Variants in SYNPR observed in about 807,000 individuals in gnomAD.
SYNPR encodes synaptoporin.
SYNPR carries 23 observed loss-of-function variants against 32.9 expected under a neutral mutation model. That is an observed-to-expected ratio of 0.70 (90% CI 0.50 to 0.99). The LOEUF (loss-of-function observed/expected upper bound fraction) is 0.99. Ranked by LOEUF, SYNPR falls within the 50% of genes least tolerant of loss-of-function variation. SYNPR has a pLI of 0.00. For missense variants in SYNPR, 318 were observed against 349.3 expected (o/e 0.91, Z 0.71); for synonymous variants, 146 against 135.9 (o/e 1.07, Z -0.52).
intron 2 of SYNPR, among the ~76,000 whole-genome samples, chr3:63,450,168 G>C (rs1700351733): frequency 6.6e-6 from 1 of 152,100 alleles, no homozygotes; most frequent in Non-Finnish European, 1.5e-5. Flanking sequence ...TACATTCTTA[G>C]AGTCTCCCCA....
chr3:63,401,863 C>A (rs1375038919), intron 2 of SYNPR, among the ~76,000 whole-genome samples: 2 of 152,110 alleles, frequency 1.3e-5, no homozygotes, highest in Non-Finnish European at 2.9e-5. Flanking sequence ...GCAGGATGAA[C>A]CCAATTTGTC....
intron 1 of SYNPR, among the ~76,000 whole-genome samples, chr3:63,247,039 C>G (rs948463839): frequency 6.6e-6 from 1 of 151,850 alleles, no homozygotes; most frequent in African/African-American, 2.4e-5. Flanking sequence ...AGCAAAACTA[C>G]ACATCCTGCA....
At chr3:63,432,227 T>C (rs1033416887) in intron 2 of SYNPR, among the ~76,000 whole-genome samples, 6 of 152,158 alleles carry the variant, frequency 3.9e-5, no homozygotes, top group African/African-American at 1.4e-4. Context: ...CCTGTCTCAA[T>C]TCCCCACTCT....
At chr3:63,225,493 G>C (rs1475306994), upstream of SYNPR, among the ~76,000 whole-genome samples, 1 of 152,122 alleles carries the variant, frequency 6.6e-6, no homozygotes, top group Non-Finnish European at 1.5e-5. Flanking sequence ...AAGTCCCTCA[G>C]AAGAAGGCCC....
chr3:63,378,548 T>G (rs2087922369), intron 2 of SYNPR, among the ~76,000 whole-genome samples: 1 of 152,084 alleles, frequency 6.6e-6, no homozygotes, highest in Admixed American at 6.6e-5. Flanking sequence ...TTGATAACTA[T>G]GAGTATGTAA....
At chr3:63,521,253 A>G (rs1298184422) in intron 3 of SYNPR, among the ~76,000 whole-genome samples, 1 of 152,172 alleles carries the variant, frequency 6.6e-6, no homozygotes. Context: ...CTTTTTACCT[A>G]TAAAGCTGGA....
intron 2 of SYNPR, among the ~76,000 whole-genome samples, chr3:63,382,988 G>A (rs1345513688): frequency 1.3e-5 from 2 of 152,154 alleles, no homozygotes; most frequent in African/African-American, 4.8e-5. Context: ...TAGAACTAGA[G>A]ACTTGATTTA....
Position 63,609,131 on chromosome 3 carries a change from A to C in SYNPR, c.415A>C (p.Ile139Leu), listed in dbSNP as rs1174926445. ...ENNRGPLIDF[I>L]VTVVFSFLWL... The stretch of plus-strand genomic sequence containing the variant: ...TTCTGATTTGTTTCTGTAGGACTTC[A>C]TTGTCACTGTAGTCTTTTCGTTCTT... Residue 139 changes from isoleucine to leucine, a missense_variant, in exon 5 of 6, where the codon ATT becomes CTT. Coordinates refer to ENST00000478300, the MANE Select transcript of SYNPR (RefSeq NM_001130003.2). The C allele has an allele frequency of 6.2e-7, 1 of 1,604,642 alleles. No individual in the cohort carries two copies. Among genetic ancestry groups the C allele is most frequent in the Non-Finnish European group, 8.5e-7 (1 of 1,175,792 alleles).
intron 2 of SYNPR, among the ~76,000 whole-genome samples, chr3:63,328,322 AG>A (rs1174726839): frequency 1.3e-5 from 2 of 152,170 alleles, no homozygotes; most frequent in Non-Finnish European, 2.9e-5. Flanking sequence ...TCTTGTATTC[AG>A]GCTGCACATT....
At chr3:63,254,395 C>G (rs748949908) in intron 2 of SYNPR, among the ~76,000 whole-genome samples, 1 of 151,986 alleles carries the variant, frequency 6.6e-6, no homozygotes, top group African/African-American at 2.4e-5. Flanking sequence ...TCTACTAGTA[C>G]GTCGTGAGAT....
At chr3:63,469,689 CT>C (rs914181201) in intron 2 of SYNPR, among the ~76,000 whole-genome samples, 1 of 152,062 alleles carries the variant, frequency 6.6e-6, no homozygotes, top group Non-Finnish European at 1.5e-5. Context: ...GGAAGTTGCC[CT>C]TTTTAATCAA....
At chr3:63,333,570 C>T (rs1186929841) in intron 2 of SYNPR, among the ~76,000 whole-genome samples, 2 of 152,140 alleles carry the variant, frequency 1.3e-5, no homozygotes, top group Non-Finnish European at 2.9e-5. Context: ...GCACACACCA[C>T]CACGCTCAGC....
intron 4 of SYNPR, among the ~76,000 whole-genome samples, chr3:63,596,894 T>C (rs1367558892): frequency 6.6e-6 from 1 of 151,300 alleles, no homozygotes; most frequent in East Asian, 1.9e-4. Context: ...ACTAGTAACA[T>C]GTGGTTATTG....
chr3:63,556,473 T>C (rs755536990), intron 3 of SYNPR, 70 bp from the exon 4 acceptor site: 1 of 1,403,492 alleles, frequency 7.1e-7, no homozygotes, highest in African/African-American at 1.4e-5. Flanking sequence ...CTTTAGAAGA[T>C]GTAGACACAA....
chr3:63,387,178 A>G (rs2088057239), intron 2 of SYNPR, among the ~76,000 whole-genome samples: 1 of 152,248 alleles, frequency 6.6e-6, no homozygotes, highest in Admixed American at 6.5e-5. Context: ...AGAGTTTTCT[A>G]TAATTTAGTT....
In SYNPR at chr3:63,278,546, A is replaced by G; in HGVS notation, c.13A>G (p.Ser5Gly). 1 of 1,550,848 alleles carries G rather than the reference A, an allele frequency of 6.4e-7. No homozygotes were observed. The highest frequency in any genetic ancestry group is 8.7e-7 in the Non-Finnish European group (1 of 1,146,422). MDPVSQLASAGTFRV... is the reference protein window; with the variant it reads MDPVGQLASAGTFRV... The stretch of plus-strand genomic sequence containing the variant: ...GCGAGGGCGAGCTATGGACCCTGTG[A>G]GTCAGGTGAGACAGAACTGGGCAGG... The change falls in exon 1 of 6, where the codon AGT becomes GGT. Residue 5 changes from serine (S) to glycine (G), a missense_variant. Ser to Gly is a moderately conservative substitution (Grantham distance 56). Transcript: ENST00000478300.
At chr3:63,378,937 T>C (rs1435043019) in intron 2 of SYNPR, among the ~76,000 whole-genome samples, 1 of 152,140 alleles carries the variant, frequency 6.6e-6, no homozygotes, top group African/African-American at 2.4e-5. Context: ...ATTATAAGTA[T>C]GTTTCTTAGC....
At chr3:63,389,184 A>G (rs2088097421) in intron 2 of SYNPR, among the ~76,000 whole-genome samples, 1 of 152,236 alleles carries the variant, frequency 6.6e-6, no homozygotes, top group African/African-American at 2.4e-5. Context: ...CATCCTGCAC[A>G]TGTACCCCAG....
At chr3:63,202,496 G>A in the SYNPR span, among the ~76,000 whole-genome samples, 1 of 152,112 alleles carries the variant, frequency 6.6e-6, no homozygotes. Context: ...CCCTCAGTGG[G>A]CCGTGAACAC....
Sources: gnomAD v4.1 joint callset for allele counts (sites outside exome capture counted in the v4.1 genomes callset) on GRCh38, gnomAD v4.1.1 for gene constraint, MANE v1.5 for transcripts, NCBI Gene and HGNC (gene_info 2026-07-23, HGNC 2026-07-21) for gene names.